The following NRXN1 variants were observed in gnomAD, a reference collection of about 807,000 sequenced individuals.
NRXN1 encodes neurexin-1.
A neutral mutation model predicts 150.9 loss-of-function variants in NRXN1; 39 were observed. The ratio of observed to expected loss-of-function variants is 0.26; its 90% CI spans 0.20 to 0.34. The LOEUF is 0.34. Ranked by LOEUF, NRXN1 falls within the 10% of genes least tolerant of loss-of-function variation. The pLI is 1.00. For missense variants in NRXN1, 1,815 were observed against 1,949.9 expected (o/e 0.93, Z 1.30); for synonymous variants, 924 against 757.0 (o/e 1.22, Z -3.62).
intron 18 of NRXN1, among the ~76,000 whole-genome samples, chr2:50,235,064 T>C (rs571798195): frequency 5.4e-4 from 82 of 152,104 alleles, no homozygotes; most frequent in Non-Finnish European, 1.0e-3. Flanking sequence ...AGAGTGATCA[T>C]TGTAGAACCT....
At chr2:50,843,783 G>C (rs1374863531) in intron 5 of NRXN1, among the ~76,000 whole-genome samples, 1 of 152,164 alleles carries the variant, frequency 6.6e-6, no homozygotes, top group Admixed American at 6.5e-5. Flanking sequence ...GACTCATCAA[G>C]ACTGCAGTAG....
At chr2:50,709,787 A>G (rs1426412681) in intron 5 of NRXN1, among the ~76,000 whole-genome samples, 4 of 152,186 alleles carry the variant, frequency 2.6e-5, no homozygotes, top group South Asian at 4.1e-4. Context: ...CTAAAATGTT[A>G]GAACTTTGGC....
At chr2:50,210,675 A>G (rs1270806044) in intron 18 of NRXN1, among the ~76,000 whole-genome samples, 3 of 151,690 alleles carry the variant, frequency 2.0e-5, no homozygotes, top group Non-Finnish European at 1.5e-5. Context: ...GCAGGAACAC[A>G]TATTTCATTG....
At chr2:51,023,218 G>A (rs1210516320) in intron 2 of NRXN1, among the ~76,000 whole-genome samples, 2 of 152,144 alleles carry the variant, frequency 1.3e-5, no homozygotes, top group Admixed American at 6.5e-5. Flanking sequence ...TGTAGCTAGA[G>A]TGACATTTTG....
chr2:50,787,282 G>C (rs910499609), intron 5 of NRXN1, among the ~76,000 whole-genome samples: 6 of 152,022 alleles, frequency 3.9e-5, no homozygotes, highest in Non-Finnish European at 8.8e-5. Context: ...AAAACAGGCA[G>C]GGCGCTGTGG....
chr2:50,742,856 A>C (rs1368850028), intron 5 of NRXN1, among the ~76,000 whole-genome samples: 3 of 152,146 alleles, frequency 2.0e-5, no homozygotes, highest in Non-Finnish European at 4.4e-5. Context: ...AACATTACTT[A>C]CTTCCACATT....
At chr2:50,703,311 A>G (rs1694010438) in intron 5 of NRXN1, among the ~76,000 whole-genome samples, 1 of 152,120 alleles carries the variant, frequency 6.6e-6, no homozygotes, top group Admixed American at 6.6e-5. Flanking sequence ...TGTTTAACAG[A>G]TCCAGGTAAC....
chr2:49,994,394 G>A (rs1324420930), intron 21 of NRXN1, among the ~76,000 whole-genome samples: 2 of 152,196 alleles, frequency 1.3e-5, no homozygotes, highest in African/African-American at 4.8e-5. Flanking sequence ...TAGAGGTTTA[G>A]TTTGGGAAAG....
At chr2:50,201,961 C>T (rs10490234) in intron 18 of NRXN1, among the ~76,000 whole-genome samples, 37 of 152,244 alleles carry the variant, frequency 2.4e-4, no homozygotes, top group Admixed American at 1.7e-3. Context: ...ACTGTGATAC[C>T]TAGGACTATC....
intron 8 of NRXN1, among the ~76,000 whole-genome samples, chr2:50,582,297 A>G (rs1308718363): frequency 6.6e-6 from 1 of 151,896 alleles, no homozygotes; most frequent in Non-Finnish European, 1.5e-5. Flanking sequence ...TGAGAGGTGG[A>G]GGACTGCTAG....
At chr2:50,893,296 T>C (rs752436263) in intron 5 of NRXN1, among the ~76,000 whole-genome samples, 29 of 152,208 alleles carry the variant, frequency 1.9e-4, no homozygotes, top group South Asian at 8.3e-4. Flanking sequence ...CACTTACTTA[T>C]AGTATATGAC....
chr2:49,957,745 C>T (rs1350432951), intron 21 of NRXN1, among the ~76,000 whole-genome samples: 2 of 152,102 alleles, frequency 1.3e-5, no homozygotes, highest in Non-Finnish European at 2.9e-5. Context: ...GAGAAGGAAA[C>T]CCTAAATTGG....
At chr2:50,776,578 AATATT>A (rs917736301) in intron 5 of NRXN1, among the ~76,000 whole-genome samples, 5 of 151,386 alleles carry the variant, frequency 3.3e-5, no homozygotes, top group East Asian at 1.9e-4. Context: ...GTATATATAT[AATATT>A]ATATGTATTA....
At chr2:50,592,312 A>C (rs1201270209) in intron 8 of NRXN1, among the ~76,000 whole-genome samples, 1 of 152,242 alleles carries the variant, frequency 6.6e-6, no homozygotes. Flanking sequence ...AGGGCAAATG[A>C]CACCAGAGTG....
chr2:50,247,235 A>T (rs1311553839), intron 17 of NRXN1, among the ~76,000 whole-genome samples: 1 of 152,134 alleles, frequency 6.6e-6, no homozygotes, highest in African/African-American at 2.4e-5. Context: ...AGAAATAAGT[A>T]TTATGAAGAG....
chr2:50,158,762 T>A (rs1235588263), intron 18 of NRXN1, among the ~76,000 whole-genome samples: 1 of 152,128 alleles, frequency 6.6e-6, no homozygotes, highest in Admixed American at 6.6e-5. Flanking sequence ...GACATTGGTC[T>A]CCTTTAGAAA....
intron 17 of NRXN1, among the ~76,000 whole-genome samples, chr2:50,343,936 C>T (rs571416588): frequency 3.9e-5 from 6 of 152,306 alleles, no homozygotes; most frequent in African/African-American, 1.4e-4. Flanking sequence ...AATAAATTTG[C>T]AATAGTCTCA....
intron 18 of NRXN1, among the ~76,000 whole-genome samples, chr2:50,215,559 C>G (rs567879424): frequency 6.6e-6 from 1 of 151,954 alleles, no homozygotes; most frequent in Non-Finnish European, 1.5e-5. Flanking sequence ...ATTGCTTATC[C>G]TTTTATTAGT....
At chr2:50,409,544 C>G (rs941688888) in intron 17 of NRXN1, among the ~76,000 whole-genome samples, 9 of 152,208 alleles carry the variant, frequency 5.9e-5, no homozygotes, top group Admixed American at 5.9e-4. Context: ...TAAGCACCCT[C>G]TTTTGCATTG....
Sources: gnomAD v4.1 joint callset for allele counts (sites outside exome capture counted in the v4.1 genomes callset) on GRCh38, gnomAD v4.1.1 for gene constraint, MANE v1.5 for transcripts, NCBI Gene and HGNC (gene_info 2026-07-23, HGNC 2026-07-21) for gene names.